INKA2: variants seen among roughly 807,000 people sequenced by gnomAD.
INKA2 encodes the protein inka box actin regulator 2.
In INKA2, 3 loss-of-function variants were observed where a neutral mutation model predicts 9.8. The ratio of observed to expected loss-of-function variants is 0.31; its 90% CI spans 0.14 to 0.79. INKA2 has a LOEUF of 0.79. Ranked by LOEUF, INKA2 falls within the 30% of genes least tolerant of loss-of-function variation. The pLI is 0.62. For synonymous variants in INKA2, 147 were observed against 143.3 expected, an observed-to-expected ratio of 1.03 and a Z score of -0.18; for missense variants, 392 against 384.4, an observed-to-expected ratio of 1.02 and a Z score of -0.17.
At chr1:111,740,723 A>C (rs936704098), upstream of INKA2, among the ~76,000 whole-genome samples, 6 of 152,176 alleles carry the variant, frequency 3.9e-5, no homozygotes, top group African/African-American at 1.4e-4. Flanking sequence ...CTGTAATCCC[A>C]GCACTTTGAG....
At position 111,727,302 on chromosome 1, in the gene INKA2, G is replaced by GC. The variant is rs751997684; in HGVS notation, c.559dup (p.Ala187GlyfsTer3). 15 of 1,614,000 alleles carry GC rather than the reference G, an allele frequency of 9.3e-6. No homozygotes were observed. The highest frequency in any genetic ancestry group is 2.2e-5 in the South Asian group (2 of 91,074). ...GCCTTTCTCTCCTTTGGGTTCACGT[G>GC]CCCCCCCAGTCTCACCCTTCTCCCC... On this transcript the variant is annotated frameshift_variant, in exon 2 of 2. Transcript: ENST00000357260. LOFTEE classifies it high-confidence loss of function.
chr1:111,727,781 A>G lies in INKA2; in HGVS notation c.81T>C (p.Asp27=), dbSNP rs1334151599. 4 of 1,608,230 alleles carry G rather than the reference A, an allele frequency of 2.5e-6. No homozygotes were observed. Among genetic ancestry groups the G allele is most frequent in the South Asian group, 2.2e-5 (2 of 91,084 alleles). The change falls in exon 2 of 2, where the codon GAT becomes GAC. Residue 27 remains aspartate, a synonymous_variant. Transcript: ENST00000357260. ...QELMSMKEVG[D]GLQDQMNCMM... ...TGCAGTTCATCTGATCCTGTAAGCC[A>G]TCACCCACCTCCTTCATGGACATCT... is the stretch of plus-strand genomic sequence containing the variant.
At chr1:111,755,579 C>T in intron 1 of INKA2, 3 of 1,151,840 alleles carry the variant, frequency 2.6e-6, no homozygotes, top group Non-Finnish European at 3.6e-6. Flanking sequence ...CAAAGAACGG[C>T]GAGAGGGCGG....
intron 1 of INKA2, among the ~76,000 whole-genome samples, chr1:111,729,270 G>T (rs933628754): frequency 6.6e-6 from 1 of 152,228 alleles, no homozygotes; most frequent in African/African-American, 2.4e-5. Context: ...TGAAAACCCA[G>T]CGCTTCTCAG....
rs1173415319 is a variant in INKA2 at position 111,724,607 on chromosome 1, T to TACCACC, written c.*2355_*2360dup. 1,480 of 146,778 alleles carry TACCACC rather than the reference T, an allele frequency of 0.01. 34 individuals are homozygous for TACCACC. The highest frequency in any genetic ancestry group is 0.036 in the African/African-American group (1,383 of 38,582). 9.1% of individuals were successfully genotyped at this position (146,778 alleles called of 1,614,324 possible). ...CACACACACACACACACACCACCAC[T>TACCACC]ACCACCACCACCACCACCACCTCCA... On this transcript the variant is annotated 3_prime_UTR_variant, in exon 2 of 2. Coordinates refer to ENST00000357260, the MANE Select transcript of INKA2 (RefSeq NM_019099.5).
chr1:111,723,265 G>A lies in INKA2; in HGVS notation c.*3703C>T, dbSNP rs774478171. 2 of 579,840 alleles carry A rather than the reference G, an allele frequency of 3.4e-6. No individual in the cohort carries two copies. The highest frequency in any genetic ancestry group is 6.1e-6 in the Non-Finnish European group (2 of 327,126). The allele number at this position is 579,840 out of a possible 1,614,324, so 35.9% of individuals were successfully genotyped here. ...CCCAACAAGGCCCTAGGGAGGAGAT[G>A]GGGATGTGGAGAGGACAGAGCAACC... On this transcript the variant is annotated 3_prime_UTR_variant, in exon 2 of 2. Transcript: ENST00000357260.
At chr1:111,741,479 G>A (rs1380084006), upstream of INKA2, among the ~76,000 whole-genome samples, 1 of 152,200 alleles carries the variant, frequency 6.6e-6, no homozygotes, top group Admixed American at 6.5e-5. Flanking sequence ...TGCCCCCAAG[G>A]ACACAGCTGT....
intron 1 of INKA2, chr1:111,747,417 C>T (rs28618350): frequency 0.055 from 8,310 of 151,786 alleles, 289 homozygotes; most frequent in Non-Finnish European, 0.073. Context: ...TACAGCTACA[C>T]ACGCCCCCTG....
chr1:111,752,724 C>A (rs956521839), intron 1 of INKA2, among the ~76,000 whole-genome samples: 2 of 151,496 alleles, frequency 1.3e-5, no homozygotes, highest in African/African-American at 4.9e-5. Flanking sequence ...GACGGAGTCT[C>A]GCTCTGTTGC....
At chr1:111,745,227 A>AAT (rs142983500) in intron 1 of INKA2, 4 of 130,938 alleles carry the variant, frequency 3.1e-5, no homozygotes, top group East Asian at 2.1e-4. Flanking sequence ...AAGGCAAGCA[A>AAT]ATATACACAC....
intron 1 of INKA2, among the ~76,000 whole-genome samples, 179 bp downstream of exon 1, chr1:111,739,007 C>G (rs571616555): frequency 3.7e-4 from 56 of 152,298 alleles, no homozygotes; most frequent in African/African-American, 1.3e-3. Flanking sequence ...AAAGTTTCTT[C>G]GTGGTCCCCT....
upstream of INKA2, chr1:111,740,105 A>T (rs1475856732): frequency 1.3e-5 from 2 of 152,342 alleles, no homozygotes; most frequent in African/African-American, 4.8e-5. Context: ...CACGGTAAGC[A>T]CGGTAATTTC....
Position 111,727,816 on chromosome 1 carries a change from A to G in INKA2, c.58-12T>C, listed in dbSNP as rs1199145812. 6.2e-7 allele frequency: 1 copy of G among 1,601,198 alleles called. No homozygotes were observed. Among genetic ancestry groups the G allele is most frequent in the Non-Finnish European group, 8.5e-7 (1 of 1,179,590 alleles). On this transcript the variant is annotated splice_polypyrimidine_tract_variant and intron_variant, in intron 1 of 1. Coordinates refer to ENST00000357260, the MANE Select transcript of INKA2 (RefSeq NM_019099.5). Reference sequence around the variant, plus strand: ...TCCTTCATGGACATCTGCAGGGGAGAGAGAAAGCATGGGGCCTATGAGCCA... The same window carrying G: ...TCCTTCATGGACATCTGCAGGGGAGGGAGAAAGCATGGGGCCTATGAGCCA...
chr1:111,740,707 G>C (rs1663126327), upstream of INKA2, among the ~76,000 whole-genome samples: 1 of 152,066 alleles, frequency 6.6e-6, no homozygotes, highest in Non-Finnish European at 1.5e-5. Flanking sequence ...CGCGGGTGGC[G>C]CACGCCTGTA....
chr1:111,726,656 T>TTAAAAA lies in INKA2; in HGVS notation c.*311_*312insTTTTTA. ...TCTGATCTCCTCCTCTGCCCTCACCTACTGTCACCTCCAGCCCCAAAGTGA... is the reference window on the plus strand; with the variant it reads ...TCTGATCTCCTCCTCTGCCCTCACCTTAAAAAACTGTCACCTCCAGCCCCAAAGTGA... On this transcript the variant is annotated 3_prime_UTR_variant, in exon 2 of 2. Coordinates refer to ENST00000357260, the MANE Select transcript of INKA2 (RefSeq NM_019099.5). 1 of 366,064 alleles carries TTAAAAA rather than the reference T, an allele frequency of 2.7e-6. No individual in the cohort carries two copies. The highest frequency in any genetic ancestry group is 5.0e-6 in the Non-Finnish European group (1 of 200,516). The allele number at this position is 366,064 out of a possible 1,614,324, so 22.7% of individuals were successfully genotyped here.
At chr1:111,754,501 A>G (rs1300818568) in intron 1 of INKA2, 2 of 152,194 alleles carry the variant, frequency 1.3e-5, no homozygotes, top group Non-Finnish European at 2.9e-5. Flanking sequence ...AATATATTTA[A>G]GTTTGGTATT....
intron 1 of INKA2, among the ~76,000 whole-genome samples, chr1:111,737,474 A>C (rs914654461): frequency 1.8e-4 from 28 of 152,174 alleles, no homozygotes; most frequent in Admixed American, 5.9e-4. Flanking sequence ...TGTAGTCCCC[A>C]ATTCGAAGCA....
intron 1 of INKA2, among the ~76,000 whole-genome samples, chr1:111,734,860 C>T (rs1056803342): frequency 2.6e-5 from 4 of 152,222 alleles, no homozygotes; most frequent in African/African-American, 9.6e-5. Flanking sequence ...TCTCTCAGAG[C>T]ACTGAACCCG....
intron 1 of INKA2, among the ~76,000 whole-genome samples, chr1:111,752,343 CCTT>C (rs944859591): frequency 6.6e-6 from 1 of 152,232 alleles, no homozygotes; most frequent in African/African-American, 2.4e-5. Context: ...CTGGTTACCT[CCTT>C]GACTTCAGTA....
Sources: allele counts gnomAD v4.1 joint callset (sites outside exome capture counted in the v4.1 genomes callset), GRCh38; gene constraint gnomAD v4.1.1; transcripts MANE v1.5; gene names NCBI Gene and HGNC (gene_info 2026-07-23, HGNC 2026-07-21).